Variants in SPATS2 observed in about 807,000 individuals in gnomAD.
SPATS2 encodes spermatogenesis-associated serine-rich protein 2.
In SPATS2, 38 loss-of-function variants were observed where a neutral mutation model predicts 63.7. That is an observed-to-expected ratio of 0.60 (90% CI 0.46 to 0.78). SPATS2 has a LOEUF of 0.78. Ranked by LOEUF, SPATS2 falls within the 30% of genes least tolerant of loss-of-function variation. The pLI, the probability that SPATS2 is intolerant of heterozygous loss-of-function variation, is 0.00. For missense variants in SPATS2, 588 were observed against 666.2 expected, an observed-to-expected ratio of 0.88 and a Z score of 1.29; for synonymous variants, 207 against 232.9, an observed-to-expected ratio of 0.89 and a Z score of 1.01.
intron 3 of SPATS2, among the ~76,000 whole-genome samples, chr12:49,467,509 A>G (rs919599349): frequency 6.6e-5 from 10 of 151,988 alleles, no homozygotes; most frequent in African/African-American, 2.2e-4. Flanking sequence ...ATTGTTCCTA[A>G]TTTCCTCTGA....
chr12:49,424,895 G>A (rs1438039217), intron 2 of SPATS2, among the ~76,000 whole-genome samples: 2 of 152,130 alleles, frequency 1.3e-5, no homozygotes, highest in Non-Finnish European at 2.9e-5. Flanking sequence ...GGCCAGGATG[G>A]TCTGGAACTC....
At chr12:49,414,247 C>G (rs1433389824) in intron 2 of SPATS2, among the ~76,000 whole-genome samples, 1 of 152,034 alleles carries the variant, frequency 6.6e-6, no homozygotes, top group African/African-American at 2.4e-5. Flanking sequence ...AGATAAAAGC[C>G]ACACTTGCAC....
At chr12:49,515,514 C>T (rs570144388) in intron 10 of SPATS2, among the ~76,000 whole-genome samples, 8 of 152,202 alleles carry the variant, frequency 5.3e-5, no homozygotes, top group Non-Finnish European at 1.2e-4. Flanking sequence ...ATGACTTCAG[C>T]TTTGGTCCAT....
Position 49,461,543 on chromosome 12 carries a change from A to G in SPATS2, c.25+506A>G, listed in dbSNP as rs534744117. On this transcript the variant is annotated intron_variant, in intron 3 of 13. Coordinates refer to ENST00000552918, the MANE Select transcript of SPATS2 (RefSeq NM_023071.4). ...CAAAGACTTTGTAAAACCTTTTTCT[A>G]CTTTTCTAGAATAGCTGCAAAAATT... Among the ~76,000 whole-genome samples, 11 of 152,350 alleles carry G rather than the reference A, an allele frequency of 7.2e-5. No homozygotes were observed. The East Asian group carries it at 1.2e-3, about 16-fold the overall frequency.
chr12:49,436,262 G>C (rs568914036), intron 2 of SPATS2, among the ~76,000 whole-genome samples: 1 of 148,678 alleles, frequency 6.7e-6, no homozygotes, highest in Non-Finnish European at 1.5e-5. Flanking sequence ...GCGGCTGGCC[G>C]GGCGGGGGGC....
At chr12:49,504,790 T>A (rs1400539996) in intron 9 of SPATS2, among the ~76,000 whole-genome samples, 2 of 148,480 alleles carry the variant, frequency 1.3e-5, no homozygotes, top group Non-Finnish European at 3.0e-5. Context: ...TTTTTTTTTT[T>A]AAGACAGGGT....
intron 2 of SPATS2, among the ~76,000 whole-genome samples, chr12:49,373,449 T>A (rs975790762): frequency 3.9e-5 from 6 of 152,166 alleles, no homozygotes; most frequent in African/African-American, 1.4e-4. Context: ...CCAGTCCAAT[T>A]GCCATTCAGT....
At chr12:49,396,504 A>G (rs1044529813) in intron 2 of SPATS2, among the ~76,000 whole-genome samples, 8 of 152,174 alleles carry the variant, frequency 5.3e-5, no homozygotes, top group African/African-American at 1.9e-4. Flanking sequence ...TCCCTACTGC[A>G]TAGTTTCTCC....
intron 8 of SPATS2, among the ~76,000 whole-genome samples, chr12:49,497,249 T>TC (rs1946478646): frequency 1.3e-5 from 2 of 152,208 alleles, no homozygotes; most frequent in Non-Finnish European, 2.9e-5. Context: ...TGAATTAAAG[T>TC]CAAACTCTAC....
chr12:49,372,821 T>C (rs929070376), intron 2 of SPATS2, among the ~76,000 whole-genome samples: 4 of 152,096 alleles, frequency 2.6e-5, no homozygotes, highest in African/African-American at 7.2e-5. Flanking sequence ...TTTGGCTCCA[T>C]TTTCTCTCCC....
chr12:49,499,869 AATT>A (rs1946534502), intron 8 of SPATS2, among the ~76,000 whole-genome samples, 198 bp from the exon 9 acceptor site: 1 of 152,066 alleles, frequency 6.6e-6, no homozygotes, highest in Non-Finnish European at 1.5e-5. Flanking sequence ...GAATAAATCC[AATT>A]ATTATTATTC....
chr12:49,453,856 C>CTTTT (rs869155580), intron 2 of SPATS2, among the ~76,000 whole-genome samples: 1,295 of 76,184 alleles, frequency 0.017, 76 homozygotes, highest in Middle Eastern at 0.041. Context: ...AAATAGCATT[C>CTTTT]TTTTTTTTTT....
chr12:49,471,075 A>G (rs1243058192), intron 3 of SPATS2, among the ~76,000 whole-genome samples: 1 of 152,210 alleles, frequency 6.6e-6, no homozygotes. Flanking sequence ...CTAGCAAGCT[A>G]GGAAATCTCT....
intron 2 of SPATS2, among the ~76,000 whole-genome samples, chr12:49,440,019 CTT>C (rs958319917): frequency 1.3e-5 from 2 of 152,170 alleles, no homozygotes; most frequent in Non-Finnish European, 2.9e-5. Flanking sequence ...TAATTTCAAA[CTT>C]ACTGAAAAGT....
At chr12:49,430,140 C>T (rs1398179545) in intron 2 of SPATS2, among the ~76,000 whole-genome samples, 1 of 137,710 alleles carries the variant, frequency 7.3e-6, no homozygotes, top group Non-Finnish European at 1.5e-5. Context: ...TCACTCTGTC[C>T]CCCAGCCTGG....
At chr12:49,489,755 A>G (rs1005220080) in intron 5 of SPATS2, among the ~76,000 whole-genome samples, 182 bp downstream of exon 5, 14 of 152,232 alleles carry the variant, frequency 9.2e-5, no homozygotes, top group African/African-American at 2.4e-4. Context: ...GGTGTCTATA[A>G]TAAGAGATAA....
chr12:49,520,009 C>T (rs374185311), intron 11 of SPATS2, among the ~76,000 whole-genome samples: 2 of 146,902 alleles, frequency 1.4e-5, no homozygotes, highest in African/African-American at 5.0e-5. Context: ...TTCGGAGTTT[C>T]GCTCTTGTTG....
chr12:49,503,136 G>T (rs1038187968), intron 9 of SPATS2, among the ~76,000 whole-genome samples: 6 of 152,106 alleles, frequency 3.9e-5, no homozygotes, highest in African/African-American at 1.4e-4. Flanking sequence ...CAGATCACAA[G>T]GTCAAGAGTT....
intron 2 of SPATS2, among the ~76,000 whole-genome samples, chr12:49,432,611 C>T (rs1209900261): frequency 6.6e-6 from 1 of 152,204 alleles, no homozygotes; most frequent in Non-Finnish European, 1.5e-5. Flanking sequence ...GCCCCTGGCC[C>T]ACCATTCTAC....
Sources: allele counts gnomAD v4.1 joint callset (sites outside exome capture counted in the v4.1 genomes callset), GRCh38; gene constraint gnomAD v4.1.1; transcripts MANE v1.5; gene names NCBI Gene and HGNC (gene_info 2026-07-23, HGNC 2026-07-21).